The following RAB38 variants were observed in gnomAD, a reference collection of about 807,000 sequenced individuals.
The protein encoded by RAB38 is RAB38, member RAS oncogene family, also known as ras-related protein Rab-38.
Under a neutral mutation model 18.4 loss-of-function variants are expected in RAB38, and 15 were observed. The ratio of observed to expected loss-of-function variants is 0.82; its 90% CI spans 0.55 to 1.26. The LOEUF is 1.26. Among genes scored for constraint, RAB38 ranks in the 50% most tolerant of loss-of-function variants. The pLI, the probability that RAB38 is intolerant of heterozygous loss-of-function variation, is 0.00. For missense variants in RAB38, 294 were observed against 267.4 expected, an observed-to-expected ratio of 1.10 and a Z score of -0.69; for synonymous variants, 101 against 104.4, an observed-to-expected ratio of 0.97 and a Z score of 0.20.
the RAB38 span, among the ~76,000 whole-genome samples, chr11:87,942,409 T>C: frequency 1.3e-5 from 2 of 152,052 alleles, no homozygotes; most frequent in Admixed American, 1.3e-4. Context: ...TCTAGGGTAA[T>C]AAAGAGGATC....
At chr11:87,887,435 A>T in the RAB38 span, among the ~76,000 whole-genome samples, 129,989 of 151,992 alleles carry the variant, frequency 0.86, 55,832 homozygotes, top group Non-Finnish European at 0.89. Flanking sequence ...TCTGGTGTGA[A>T]GTGCAGAAAA....
chr11:88,083,041 G>A, the RAB38 span, among the ~76,000 whole-genome samples: 5 of 151,702 alleles, frequency 3.3e-5, no homozygotes, highest in Admixed American at 6.6e-5. Flanking sequence ...CCTTAAGCAC[G>A]AATAGATACG....
At chr11:87,914,511 G>A in the RAB38 span, among the ~76,000 whole-genome samples, 1 of 152,144 alleles carries the variant, frequency 6.6e-6, no homozygotes, top group Non-Finnish European at 1.5e-5. Flanking sequence ...TGGGAGCAAA[G>A]AAATGACCTA....
chr11:88,004,968 G>A, the RAB38 span, among the ~76,000 whole-genome samples: 2 of 151,214 alleles, frequency 1.3e-5, no homozygotes, highest in South Asian at 4.1e-4. Context: ...AAATATTCCA[G>A]AGAAATTAAA....
chr11:87,892,538 C>T, the RAB38 span, among the ~76,000 whole-genome samples: 2 of 151,760 alleles, frequency 1.3e-5, no homozygotes, highest in East Asian at 2.0e-4. Context: ...TCAGGGATTG[C>T]GGTTACTAGC....
chr11:87,859,238 T>G, the RAB38 span, among the ~76,000 whole-genome samples: 1 of 151,976 alleles, frequency 6.6e-6, no homozygotes, highest in African/African-American at 2.4e-5. Context: ...AAAATTAATC[T>G]GTCAATTACA....
At chr11:87,917,081 G>A in the RAB38 span, among the ~76,000 whole-genome samples, 5 of 152,246 alleles carry the variant, frequency 3.3e-5, no homozygotes, top group African/African-American at 1.2e-4. Context: ...GGACATGAGG[G>A]CCAAAACCTT....
chr11:87,962,508 C>A, the RAB38 span, among the ~76,000 whole-genome samples: 1 of 151,334 alleles, frequency 6.6e-6, no homozygotes, highest in Admixed American at 6.6e-5. Flanking sequence ...GGGCAGGGGG[C>A]AGGGGGGAAG....
the RAB38 span, among the ~76,000 whole-genome samples, chr11:87,894,722 C>T: frequency 2.0e-5 from 3 of 149,546 alleles, no homozygotes; most frequent in Non-Finnish European, 3.0e-5. Flanking sequence ...ATAATATGTA[C>T]ACATTATATA....
the RAB38 span, among the ~76,000 whole-genome samples, chr11:87,903,762 C>G: frequency 6.6e-6 from 1 of 151,286 alleles, no homozygotes; most frequent in African/African-American, 2.4e-5. Flanking sequence ...TTTAATTTTT[C>G]TATTCCATTT....
chr11:87,945,670 G>A, the RAB38 span, among the ~76,000 whole-genome samples: 1 of 152,092 alleles, frequency 6.6e-6, no homozygotes, highest in Non-Finnish European at 1.5e-5. Context: ...AAAATGCCTT[G>A]GAAATCAACC....
At chr11:87,906,141 T>C in the RAB38 span, among the ~76,000 whole-genome samples, 1 of 152,108 alleles carries the variant, frequency 6.6e-6, no homozygotes, top group South Asian at 2.1e-4. Flanking sequence ...TATAGTTATT[T>C]ATAACAGAAT....
chr11:88,171,417 A>G, intron 1 of RAB38, among the ~76,000 whole-genome samples: 1 of 152,342 alleles, frequency 6.6e-6, no homozygotes, highest in Middle Eastern at 3.4e-3. Context: ...AAAATTAAAT[A>G]ATCATCATTT....
chr11:88,115,788 C>G (rs1421550018), intron 2 of RAB38: 1 of 152,180 alleles, frequency 6.6e-6, no homozygotes, highest in Non-Finnish European at 1.5e-5. Context: ...GTGCAGCAGA[C>G]ATTATTGCTT....
the RAB38 span, among the ~76,000 whole-genome samples, chr11:87,864,220 G>T: frequency 6.6e-6 from 1 of 151,540 alleles, no homozygotes; most frequent in African/African-American, 2.4e-5. Flanking sequence ...TTTCTTAGTT[G>T]TGTCAGTCCC....
At chr11:87,948,916 G>A in the RAB38 span, among the ~76,000 whole-genome samples, 1 of 152,078 alleles carries the variant, frequency 6.6e-6, no homozygotes, top group Non-Finnish European at 1.5e-5. Flanking sequence ...AATGAGTTAG[G>A]GAGGATTCCC....
the RAB38 span, among the ~76,000 whole-genome samples, chr11:88,023,382 A>G: frequency 6.6e-6 from 1 of 151,636 alleles, no homozygotes; most frequent in Non-Finnish European, 1.5e-5. Context: ...CCTACAAAAC[A>G]CTGATAAAAA....
At chr11:88,010,193 T>C in the RAB38 span, among the ~76,000 whole-genome samples, 2 of 152,310 alleles carry the variant, frequency 1.3e-5, no homozygotes, top group African/African-American at 4.8e-5. Context: ...GCTTTATATG[T>C]AATACACACT....
chr11:87,891,071 C>T, the RAB38 span, among the ~76,000 whole-genome samples: 9 of 151,820 alleles, frequency 5.9e-5, no homozygotes, highest in Non-Finnish European at 1.3e-4. Flanking sequence ...GTTCACAATA[C>T]ATTCCATGAG....
Sources: allele counts gnomAD v4.1 joint callset (sites outside exome capture counted in the v4.1 genomes callset), GRCh38; gene constraint gnomAD v4.1.1; transcripts MANE v1.5; gene names NCBI Gene and HGNC (gene_info 2026-07-23, HGNC 2026-07-21).